The following INTS4 variants were observed in gnomAD, a reference collection of about 807,000 sequenced individuals.
INTS4 encodes the protein MSTP093.
A neutral mutation model predicts 119.5 loss-of-function variants in INTS4; 70 were observed. The observed-to-expected ratio is 0.59, with a 90% CI of 0.48 to 0.71. The LOEUF is 0.71. INTS4 is among the 30% of genes least tolerant of loss of function. The probability of loss-of-function intolerance (pLI) is 0.00; values close to 1 mark genes in which losing one functional copy is unlikely to be tolerated. For missense variants in INTS4, 867 were observed against 1,173.2 expected (o/e 0.74, Z 3.81); for synonymous variants, 316 against 419.6 (o/e 0.75, Z 3.02).
chr11:77,908,999 T>C (rs528224441), intron 15 of INTS4, among the ~76,000 whole-genome samples: 118 of 152,334 alleles, frequency 7.7e-4, no homozygotes, highest in African/African-American at 2.7e-3. Context: ...TTAGTGCACA[T>C]TGTCTGTCTG....
chr11:77,919,900 C>G (rs1364753882), intron 14 of INTS4, among the ~76,000 whole-genome samples: 2 of 152,048 alleles, frequency 1.3e-5, no homozygotes, highest in East Asian at 1.9e-4. Context: ...CCTCTGCCTC[C>G]TGGGTTCAAG....
downstream of INTS4, among the ~76,000 whole-genome samples, chr11:77,877,201 T>C (rs1269060451): frequency 6.6e-6 from 1 of 152,228 alleles, no homozygotes; most frequent in African/African-American, 2.4e-5. Flanking sequence ...GGTTACTTAT[T>C]TCTCTCAACT....
At chr11:77,909,626 C>T (rs1033102024) in intron 15 of INTS4, among the ~76,000 whole-genome samples, 5 of 152,136 alleles carry the variant, frequency 3.3e-5, no homozygotes, top group Non-Finnish European at 7.3e-5. Flanking sequence ...ACTTTCAGAT[C>T]ATAGCAGGAA....
At chr11:77,992,130 G>A (rs981172551) in intron 1 of INTS4, among the ~76,000 whole-genome samples, 4 of 151,988 alleles carry the variant, frequency 2.6e-5, no homozygotes, top group Non-Finnish European at 5.9e-5. Flanking sequence ...TGGCATGGTG[G>A]CTCATGCCTG....
chr11:77,922,427 G>C lies in INTS4; in HGVS notation c.1559C>G (p.Pro520Arg), dbSNP rs1953386454. The C allele has an allele frequency of 2.0e-6, 3 of 1,507,740 alleles. No individual in the cohort carries two copies. Among genetic ancestry groups the C allele is most frequent in the Non-Finnish European group, 2.7e-6 (3 of 1,125,520 alleles). The allele number at this position is 1,507,740 out of a possible 1,614,324, so 93.4% of individuals were successfully genotyped here. Residue 520 changes from proline (P) to arginine (R), a missense_variant, in exon 13 of 23, where the codon CCC becomes CGC. Physicochemically the swap from Pro to Arg is moderately radical, Grantham distance 103. This residue lies in a region of INTS4 where 51 missense variants were observed against 125.5 expected (regional missense o/e 0.41). Coordinates refer to ENST00000534064, the MANE Select transcript of INTS4 (RefSeq NM_033547.4). ...GGTGCTCAGAAGCTCTGGCACCAAG[G>C]GAAGCACCAGGGTTGGATGCCGACT... ...LGSRHPTLVL[P>R]LVPELLSTHP...
Position 77,891,768 on chromosome 11 carries a change from G to A in INTS4, c.2361C>T (p.Leu787=), listed in dbSNP as rs1323922972. The change falls in exon 20 of 23, where the codon CTC becomes CTT. Residue 787 remains leucine (L), a synonymous_variant. Coordinates refer to ENST00000534064, the MANE Select transcript of INTS4 (RefSeq NM_033547.4). ...CCACTTCTGCAGGTTTGGATGTCAT[G>A]AGTCGGGGCATAAGGTCAAGGAGTT... The part of the protein sequence containing the change: ...VDKLLDLMPR[L]MTSKPAEVVK... The A allele has an allele frequency of 5.0e-6, 8 of 1,612,030 alleles. No individual in the cohort carries two copies. The highest frequency in any genetic ancestry group is 5.9e-6 in the Non-Finnish European group (7 of 1,179,858).
chr11:77,958,705 G>A (rs371409443), intron 7 of INTS4, 41 bp downstream of exon 7: 52 of 1,213,998 alleles, frequency 4.3e-5, no homozygotes, highest in Non-Finnish European at 5.6e-5. Flanking sequence ...AGAGGAAAAC[G>A]GCTTCACAAT....
At chr11:77,876,938 G>GT (rs1951612048), downstream of INTS4, 1 of 703,092 alleles carries the variant, frequency 1.4e-6, no homozygotes, top group South Asian at 1.5e-5. Context: ...GGTTCTTCAT[G>GT]TTTTTGTCTA....
intron 18 of INTS4, among the ~76,000 whole-genome samples, chr11:77,897,373 A>G (rs1329364634): frequency 1.3e-5 from 2 of 151,468 alleles, no homozygotes; most frequent in Non-Finnish European, 2.9e-5. Flanking sequence ...AATTAAAAAT[A>G]AAAATAAAGA....
chr11:77,891,929 T>C (rs747107662), intron 19 of INTS4, 89 bp from the exon 20 acceptor site: 2 of 1,580,664 alleles, frequency 1.3e-6, no homozygotes, highest in Non-Finnish European at 1.7e-6. Flanking sequence ...AACCCTGAAG[T>C]AGGAAGAATG....
At chr11:77,882,315 A>G (rs556408715) in intron 22 of INTS4, among the ~76,000 whole-genome samples, 1 of 152,292 alleles carries the variant, frequency 6.6e-6, no homozygotes, top group African/African-American at 2.4e-5. Context: ...GGGGCCTAGG[A>G]AAAAGAACCT....
intron 3 of INTS4, among the ~76,000 whole-genome samples, chr11:77,979,593 G>A (rs191633965): frequency 1.5e-4 from 23 of 151,978 alleles, no homozygotes; most frequent in East Asian, 3.9e-4. Context: ...AGTCCTCCAC[G>A]GGATAGAGTA....
intron 19 of INTS4, among the ~76,000 whole-genome samples, chr11:77,893,190 C>T: frequency 6.6e-6 from 1 of 152,234 alleles, no homozygotes; most frequent in Non-Finnish European, 1.5e-5. Flanking sequence ...CATTCAACTA[C>T]TGCATGTGCT....
At chr11:77,893,893 A>AAATAAATT (rs1952391118) in intron 19 of INTS4, among the ~76,000 whole-genome samples, 1 of 143,988 alleles carries the variant, frequency 6.9e-6, no homozygotes, top group Admixed American at 6.8e-5. Flanking sequence ...ACTCTGTCTT[A>AAATAAATT]AATAAATAAA....
chr11:77,986,848 G>A (rs1007830453), intron 2 of INTS4, among the ~76,000 whole-genome samples: 1 of 151,234 alleles, frequency 6.6e-6, no homozygotes, highest in African/African-American at 2.4e-5. Flanking sequence ...GGAGTGGGGG[G>A]CTGGGGGAGG....
intron 4 of INTS4, among the ~76,000 whole-genome samples, chr11:77,963,064 A>T (rs1218251837): frequency 6.6e-6 from 1 of 152,166 alleles, no homozygotes; most frequent in African/African-American, 2.4e-5. Flanking sequence ...ATTTATATTT[A>T]GTATAAAAAC....
At chr11:77,895,888 G>A (rs1049078938) in intron 18 of INTS4, among the ~76,000 whole-genome samples, 1 of 152,168 alleles carries the variant, frequency 6.6e-6, no homozygotes, top group African/African-American at 2.4e-5. Flanking sequence ...TTCCTTTGGT[G>A]TGAGGGAAGG....
At chr11:77,886,861 C>A (rs551445658) in intron 21 of INTS4, among the ~76,000 whole-genome samples, 2 of 152,144 alleles carry the variant, frequency 1.3e-5, no homozygotes, top group South Asian at 4.2e-4. Flanking sequence ...GGGTACATAA[C>A]GAAATGAAGG....
chr11:77,941,961 T>C (rs927195891), intron 8 of INTS4, among the ~76,000 whole-genome samples: 1 of 152,230 alleles, frequency 6.6e-6, no homozygotes, highest in African/African-American at 2.4e-5. Flanking sequence ...TCACAAAGAA[T>C]AAATTCCAGA....
Sources: gnomAD v4.1 joint callset for allele counts (sites outside exome capture counted in the v4.1 genomes callset) on GRCh38, gnomAD v4.1.1 for gene constraint, gnomAD v4.1.1 regional missense constraint, MANE v1.5 for transcripts, NCBI Gene and HGNC (gene_info 2026-07-23, HGNC 2026-07-21) for gene names.